The following USH2A variants were observed in gnomAD, a reference collection of about 807,000 sequenced individuals.
The protein encoded by USH2A is Usher syndrome 2A (autosomal recessive, mild).
USH2A carries 443 observed loss-of-function variants against 538.9 expected under a neutral mutation model. That is an observed-to-expected ratio of 0.82 (90% CI 0.76 to 0.89). USH2A has a LOEUF of 0.89. USH2A is among the 40% of genes least tolerant of loss of function. The probability of loss-of-function intolerance (pLI) is 0.00; values close to 1 mark genes in which losing one functional copy is unlikely to be tolerated. For synonymous variants in USH2A, 2,413 were observed against 2,273.5 expected (o/e 1.06, Z -1.75); for missense variants, 6,633 against 6,324.8 (o/e 1.05, Z -1.65).
chr1:216,400,018 T>C (rs2039279179), intron 3 of USH2A, among the ~76,000 whole-genome samples: 1 of 152,016 alleles, frequency 6.6e-6, no homozygotes, highest in South Asian at 2.1e-4. Context: ...TAAAAATCAC[T>C]TGTCATACTA....
In USH2A at chr1:216,175,107, A is replaced by C. The variant is rs55761862; in HGVS notation, c.4627+145T>G. On this transcript the variant is annotated intron_variant, in intron 21 of 71. Transcript: ENST00000307340. ...AATTCTAAAAAGATGGACATGCTGA[A>C]ACAATCAGGCAAAAGCTATCAAAGG... The C allele has an allele frequency of 0.062, 92,652 of 1,493,570 alleles. 3,204 individuals carry two copies. The highest frequency in any genetic ancestry group is 0.093 in the Middle Eastern group (385 of 4,134). 92.5% of individuals were successfully genotyped at this position (1,493,570 alleles called of 1,614,324 possible). A position where few individuals can be genotyped will look rare whatever the true frequency, so the allele number is the denominator to read the frequency against.
intron 15 of USH2A, among the ~76,000 whole-genome samples, 192 bp from the exon 16 acceptor site, chr1:216,207,623 T>TA (rs1241817148): frequency 6.6e-6 from 1 of 151,002 alleles, no homozygotes; most frequent in Non-Finnish European, 1.5e-5. Context: ...TCTATAAGCA[T>TA]AAAAAAACTT....
intron 31 of USH2A, among the ~76,000 whole-genome samples, chr1:216,047,573 T>C (rs1387747092): frequency 6.6e-6 from 1 of 151,938 alleles, no homozygotes; most frequent in Non-Finnish European, 1.5e-5. Flanking sequence ...TTTTACAAAG[T>C]CATTTATCCT....
rs1668045479 is a variant in USH2A, at chr1:215,993,154, C to T, written c.6671G>A (p.Gly2224Asp). Residue 2224 changes from glycine (G) to aspartate (D), a missense_variant, in exon 35 of 72, where the codon GGT becomes GAT. Gly to Asp is a moderately conservative substitution (Grantham distance 94). Transcript: ENST00000307340. The stretch of plus-strand genomic sequence containing the variant: ...ACTGGCCTCACTCACTGTGCACCCA[C>T]CACCTGTGCAAGCCTAAACAGAGAT... Reference protein sequence around the residue: ...YLIKLGACTGGGCTVSEASEA... With the variant: ...YLIKLGACTGDGCTVSEASEA... 6 of 1,614,056 alleles carry T rather than the reference C, an allele frequency of 3.7e-6. No individual in the cohort carries two copies. In the South Asian group the frequency reaches 4.4e-5, roughly 12 times the overall value.
chr1:215,719,362 C>CAAAAAAA (rs375176415), intron 61 of USH2A, among the ~76,000 whole-genome samples: 4 of 74,634 alleles, frequency 5.4e-5, no homozygotes, highest in East Asian at 5.3e-4. Context: ...CCTCAGGAGA[C>CAAAAAAA]AAAAAAAAAA....
intron 37 of USH2A, among the ~76,000 whole-genome samples, chr1:215,950,390 A>G (rs78951089): frequency 0.021 from 3,208 of 152,230 alleles, 67 homozygotes; most frequent in South Asian, 0.083. Context: ...GTAAAATATG[A>G]TATGTGTTTG....
At chr1:216,095,892 G>A (rs1324168564) in intron 22 of USH2A, among the ~76,000 whole-genome samples, 1 of 152,074 alleles carries the variant, frequency 6.6e-6, no homozygotes, top group Admixed American at 6.6e-5. Flanking sequence ...GGATACAGAG[G>A]GTGAACGTTG....
At chr1:215,835,685 T>A (rs987333340) in intron 47 of USH2A, among the ~76,000 whole-genome samples, 4 of 152,104 alleles carry the variant, frequency 2.6e-5, no homozygotes, top group Non-Finnish European at 4.4e-5. Context: ...CCCTCTCTCC[T>A]CCTCTTTACA....
chr1:215,813,637 G>T, intron 49 of USH2A, 99 bp downstream of exon 49: 2 of 1,459,814 alleles, frequency 1.4e-6, no homozygotes, highest in Non-Finnish European at 1.9e-6. Flanking sequence ...TTCAATTTTT[G>T]TTGAGAGGGA....
chr1:215,889,144 G>T, intron 40 of USH2A, 90 bp from the exon 41 acceptor site: 1 of 1,491,282 alleles, frequency 6.7e-7, no homozygotes. Flanking sequence ...TCTGCTACAA[G>T]GATATGAAAA....
chr1:215,920,169 C>T (rs1295504415), intron 38 of USH2A, among the ~76,000 whole-genome samples: 3 of 151,980 alleles, frequency 2.0e-5, no homozygotes, highest in South Asian at 4.1e-4. Context: ...CCTTTGTGTT[C>T]AATTAAACAT....
At chr1:216,146,374 T>C (rs989092627) in intron 21 of USH2A, among the ~76,000 whole-genome samples, 1 of 152,228 alleles carries the variant, frequency 6.6e-6, no homozygotes, top group Admixed American at 6.5e-5. Context: ...ACTCCGGCGC[T>C]GGTCACAGAC....
intron 9 of USH2A, among the ~76,000 whole-genome samples, chr1:216,296,004 C>G (rs2037097299): frequency 6.6e-6 from 1 of 151,862 alleles, no homozygotes; most frequent in African/African-American, 2.4e-5. Flanking sequence ...CAATTTCTTC[C>G]TTTAACAATC....
intron 47 of USH2A, among the ~76,000 whole-genome samples, chr1:215,823,464 G>A (rs941218726): frequency 6.6e-6 from 1 of 151,818 alleles, no homozygotes; most frequent in Non-Finnish European, 1.5e-5. Flanking sequence ...CTGCTTTTAG[G>A]ATCCTCTCTT....
chr1:216,108,533 T>A (rs2032791481), intron 21 of USH2A, among the ~76,000 whole-genome samples: 2 of 152,028 alleles, frequency 1.3e-5, no homozygotes, highest in Non-Finnish European at 2.9e-5. Context: ...TTAGCAACAG[T>A]TATTTCTTCA....
At chr1:215,906,473 G>A (rs912308173) in intron 38 of USH2A, among the ~76,000 whole-genome samples, 3 of 151,928 alleles carry the variant, frequency 2.0e-5, no homozygotes, top group Non-Finnish European at 4.4e-5. Flanking sequence ...AAGTTCAAAG[G>A]CAGTGCGCTC....
At chr1:215,921,311 T>C (rs1044115116) in intron 38 of USH2A, among the ~76,000 whole-genome samples, 3 of 152,032 alleles carry the variant, frequency 2.0e-5, no homozygotes, top group African/African-American at 7.2e-5. Flanking sequence ...TTTCTTTGCC[T>C]TCTCCACACA....
At chr1:215,632,773 G>A (rs1025723799) in intron 70 of USH2A, among the ~76,000 whole-genome samples, 2 of 152,188 alleles carry the variant, frequency 1.3e-5, no homozygotes, top group Non-Finnish European at 1.5e-5. Context: ...CACCTTCTAG[G>A]AACATGGGCT....
chr1:216,062,737 C>A (rs557054429), intron 30 of USH2A, among the ~76,000 whole-genome samples: 2 of 152,064 alleles, frequency 1.3e-5, no homozygotes, highest in Non-Finnish European at 2.9e-5. Context: ...CTCTACAAGC[C>A]GTGTTCTGAA....
Sources: gnomAD v4.1 joint callset for allele counts (sites outside exome capture counted in the v4.1 genomes callset) on GRCh38, gnomAD v4.1.1 for gene constraint, MANE v1.5 for transcripts, NCBI Gene and HGNC (gene_info 2026-07-23, HGNC 2026-07-21) for gene names.